Variants in ARL17A observed in about 807,000 individuals in gnomAD.
The protein encoded by ARL17A is ADP-ribosylation factor-like 17-like.
chr17:46,551,023 A>T (rs1269812563), downstream of ARL17A, among the ~76,000 whole-genome samples: 3 of 149,892 alleles, frequency 2.0e-5, no homozygotes, highest in Non-Finnish European at 2.9e-5. Context: ...CAGTTAAAGC[A>T]CTACAGAGTA....
intron 3 of ARL17A, among the ~76,000 whole-genome samples, chr17:46,518,317 GTTTA>G (rs2051708786): frequency 6.7e-6 from 1 of 149,374 alleles, no homozygotes; most frequent in African/African-American, 2.5e-5. Flanking sequence ...ATGCATCATG[GTTTA>G]TTTAATAATT....
the ARL17A span, among the ~76,000 whole-genome samples, chr17:46,501,514 G>A: frequency 1.3e-5 from 2 of 151,258 alleles, no homozygotes; most frequent in Non-Finnish European, 2.9e-5. Context: ...GTGTGGGCGT[G>A]ACCAAGTCGT....
the ARL17A span, among the ~76,000 whole-genome samples, chr17:46,502,219 G>C: frequency 6.6e-6 from 1 of 151,116 alleles, no homozygotes; most frequent in Non-Finnish European, 1.5e-5. Context: ...TGAGTGAGAG[G>C]AGAGGGCATT....
downstream of ARL17A, chr17:46,548,017 TTGAC>T: frequency 6.7e-5 from 4 of 59,830 alleles, no homozygotes; most frequent in East Asian, 6.2e-4. Flanking sequence ...ACCTTGGGCT[TTGAC>T]TGAGCACTGG....
the ARL17A span, among the ~76,000 whole-genome samples, chr17:46,503,465 CA>C: frequency 7.2e-6 from 1 of 139,392 alleles, no homozygotes; most frequent in East Asian, 2.1e-4. Context: ...AACAAATCAA[CA>C]AAGAATTAAC....
At chr17:46,575,166 GTAA>G (rs2146065226) in intron 2 of ARL17A, among the ~76,000 whole-genome samples, 1 of 110,988 alleles carries the variant, frequency 9.0e-6, no homozygotes, top group African/African-American at 3.0e-5. Flanking sequence ...CAGAACAGTA[GTAA>G]TGTTCACATG....
At chr17:46,521,122 C>T (rs2052221489) in intron 3 of ARL17A, among the ~76,000 whole-genome samples, 1 of 75,446 alleles carries the variant, frequency 1.3e-5, no homozygotes, top group Admixed American at 1.3e-4. Context: ...TACAAAATAA[C>T]GATCGCCCCA....
intron 3 of ARL17A, among the ~76,000 whole-genome samples, chr17:46,539,212 G>GA (rs1166753209): frequency 1.0e-4 from 4 of 40,052 alleles, no homozygotes; most frequent in Admixed American, 2.7e-4. Context: ...CTCCATCTCA[G>GA]AAAAAAAAAA....
At position 46,553,068 on chromosome 17, in the gene ARL17A, CAG is replaced by C. The variant is rs2056951524; in HGVS notation, c.*4286_*4287del. ...TGACACTGCACTCCAGCGTAAGCAA[CAG>C]AGGGCAATCCTGTCGCTAAGTAAAT... is the stretch of plus-strand genomic sequence containing the variant. On this transcript the variant is annotated 3_prime_UTR_variant, in exon 4 of 4. Coordinates refer to ENST00000336125, the MANE Select transcript of ARL17A (RefSeq NM_001113738.2). 1 of 244,096 alleles carries C rather than the reference CAG, an allele frequency of 4.1e-6. No homozygotes were observed. The highest frequency in any genetic ancestry group is 2.8e-5 in the African/African-American group (1 of 35,700). The allele number at this position is 244,096 out of a possible 1,614,324, so 15.1% of individuals were successfully genotyped here. A position where few individuals can be genotyped will look rare whatever the true frequency, so the allele number is the denominator to read the frequency against.
chr17:46,535,080 G>C (rs551985301), intron 4 of ARL17A, among the ~76,000 whole-genome samples: 1 of 148,168 alleles, frequency 6.7e-6, no homozygotes, highest in Non-Finnish European at 1.5e-5. Context: ...TTTTTGTAGA[G>C]ACAGGGTTTT....
chr17:46,542,276 TAA>T (rs1201445727), intron 3 of ARL17A, among the ~76,000 whole-genome samples: 1 of 147,312 alleles, frequency 6.8e-6, no homozygotes, highest in Non-Finnish European at 1.5e-5. Flanking sequence ...ATCCAGCGTC[TAA>T]AAGATTTTCT....
At position 46,545,529 on chromosome 17, in the gene ARL17A, TC is replaced by T. The variant is rs1444642994; in HGVS notation, c.260-7104del. Among the ~76,000 whole-genome samples, 30 of 125,036 alleles carry T rather than the reference TC, an allele frequency of 2.4e-4. 1 individual carries two copies. Among genetic ancestry groups the T allele is most frequent in the African/African-American group, 1.1e-3 (29 of 25,802 alleles). 82.0% of individuals were successfully genotyped at this position (125,036 alleles called of 152,430 possible). A position where few individuals can be genotyped will look rare whatever the true frequency, so the allele number is the denominator to read the frequency against. The stretch of plus-strand genomic sequence containing the variant: ...TTTGAGTTCAGTGAAGATCCTGTTC[TC>T]AAATGTTTTTTCACCCAAATGTGCA... On this transcript the variant is annotated intron_variant, in intron 3 of 4. Transcript: ENST00000329240.
At chr17:46,573,091 A>C (rs1260799472) in intron 2 of ARL17A, among the ~76,000 whole-genome samples, 4 of 71,066 alleles carry the variant, frequency 5.6e-5, no homozygotes, top group Non-Finnish European at 9.9e-5. Flanking sequence ...GACTGTCAAG[A>C]CCCAAGCAAG....
intron 3 of ARL17A, among the ~76,000 whole-genome samples, chr17:46,558,553 ATTTTTT>A (rs58227880): frequency 4.4e-4 from 44 of 100,170 alleles, no homozygotes; most frequent in Non-Finnish European, 4.5e-4. Flanking sequence ...TGCCCGGCCA[ATTTTTT>A]TTTTTTTTTT....
Position 46,543,234 on chromosome 17 carries a change from T to A in ARL17A, c.260-4808A>T, listed in dbSNP as rs563903286. The stretch of plus-strand genomic sequence containing the variant: ...AAGTCTTCAGGAGTTTACACATTTA[T>A]GTACAAAGTAAGTAGGCCAGCTCAT... On this transcript the variant is annotated intron_variant, in intron 3 of 4. Coordinates refer to the ARL17A transcript ENST00000329240. 1.2e-3 allele frequency among the ~76,000 whole-genome samples: 174 copies of A among 150,698 alleles called. 4 individuals are homozygous for A. In the Middle Eastern group the frequency reaches 0.014, roughly 12 times the overall value.
At position 46,558,825 on chromosome 17, in the gene ARL17A, C is replaced by T. The variant is rs1447613478; in HGVS notation, c.260-1195G>A. 3.3e-5 allele frequency: 4 copies of T among 120,726 alleles called. 1 individual carries two copies. Among genetic ancestry groups the T allele is most frequent in the East Asian group, 3.4e-4 (1 of 2,982 alleles). The allele number at this position is 120,726 out of a possible 1,614,324, so 7.5% of individuals were successfully genotyped here. A position where few individuals can be genotyped will look rare whatever the true frequency, so the allele number is the denominator to read the frequency against. On this transcript the variant is annotated intron_variant, in intron 3 of 3. Transcript: ENST00000336125. ...TATATCAATCTCCCAGAAAAAGGGA[C>T]CTCTTTTATTCTTTTTTTTTTTTTT...
downstream of ARL17A, chr17:46,549,129 A>G: frequency 6.2e-7 from 1 of 1,611,624 alleles, no homozygotes; most frequent in South Asian, 1.1e-5. Context: ...TCAGAAAGAA[A>G]AGTTATCTGA....
chr17:46,506,310 T>TA, the ARL17A span, among the ~76,000 whole-genome samples: 1 of 80,460 alleles, frequency 1.2e-5, no homozygotes, highest in Admixed American at 1.2e-4. Flanking sequence ...GGAGCCAGAT[T>TA]ATCTGTACCA....
At chr17:46,543,541 T>C (rs1340159902) in intron 3 of ARL17A, among the ~76,000 whole-genome samples, 4 of 150,932 alleles carry the variant, frequency 2.7e-5, no homozygotes, top group Admixed American at 6.6e-5. Context: ...CATTGAGTGA[T>C]GATAGTCCTC....
Sources: gnomAD v4.1 joint callset for allele counts (sites outside exome capture counted in the v4.1 genomes callset) on GRCh38, gnomAD v4.1.1 for gene constraint, MANE v1.5 for transcripts, NCBI Gene and HGNC (gene_info 2026-07-23, HGNC 2026-07-21) for gene names.